The following PTAR1 variants were observed in gnomAD, a reference collection of about 807,000 sequenced individuals.
The protein encoded by PTAR1 is protein prenyltransferase alpha subunit repeat-containing protein 1.
Under a neutral mutation model 45.5 loss-of-function variants are expected in PTAR1, and 17 were observed. That is an observed-to-expected ratio of 0.37 (90% CI 0.26 to 0.56). The LOEUF is 0.56. PTAR1 is among the 20% of genes least tolerant of loss of function. PTAR1 has a pLI of 0.77. For synonymous variants in PTAR1, 169 were observed against 171.3 expected, an observed-to-expected ratio of 0.99 and a Z score of 0.11; for missense variants, 391 against 476.3, an observed-to-expected ratio of 0.82 and a Z score of 1.67.
chr9:69,721,324 GAA>G (rs1274583027), intron 6 of PTAR1, among the ~76,000 whole-genome samples: 4 of 152,168 alleles, frequency 2.6e-5, no homozygotes, highest in Non-Finnish European at 1.5e-5. Context: ...AGTGGGGCGT[GAA>G]GATGTGACTG....
At chr9:69,755,966 G>A (rs895617856) in intron 1 of PTAR1, among the ~76,000 whole-genome samples, 2 of 152,066 alleles carry the variant, frequency 1.3e-5, no homozygotes, top group African/African-American at 2.4e-5. Flanking sequence ...TTTTACAGAG[G>A]AAGAGTCTTG....
chr9:69,725,504 A>G, intron 5 of PTAR1, among the ~76,000 whole-genome samples: 1 of 151,876 alleles, frequency 6.6e-6, no homozygotes, highest in East Asian at 1.9e-4. Flanking sequence ...GCAGGAGAAT[A>G]ACTCGAACCT....
At chr9:69,754,737 T>A (rs1472052357) in intron 1 of PTAR1, among the ~76,000 whole-genome samples, 2 of 147,248 alleles carry the variant, frequency 1.4e-5, no homozygotes, top group Non-Finnish European at 3.0e-5. Context: ...TTTTTTTTGG[T>A]AGAGATGTAG....
At chr9:69,718,609 G>A (rs1240854939) in intron 7 of PTAR1, 41 bp from the exon 8 acceptor site, 1 of 1,613,154 alleles carries the variant, frequency 6.2e-7, no homozygotes, top group South Asian at 1.1e-5. Flanking sequence ...CCCCAGGGCT[G>A]TCTGCAGGTG....
Position 69,711,283 on chromosome 9 carries a change from G to A in PTAR1, c.*7059C>T, listed in dbSNP as rs959480847. The A allele has an allele frequency of 8.5e-5, 13 of 152,134 alleles. No homozygotes were observed. The highest frequency in any genetic ancestry group is 5.9e-4 in the Admixed American group (9 of 15,274). 9.4% of individuals were successfully genotyped at this position (152,134 alleles called of 1,614,324 possible). ...ATCGAAGTCATGCATCAAGAACCTC[G>A]CCAGGAGGCAATGCCTAATTACATT... On this transcript the variant is annotated 3_prime_UTR_variant, in exon 8 of 8. Coordinates refer to ENST00000340434, the MANE Select transcript of PTAR1 (RefSeq NM_001099666.2).
chr9:69,744,385 C>CTT (rs68024709), intron 2 of PTAR1, among the ~76,000 whole-genome samples: 1 of 146,038 alleles, frequency 6.8e-6, no homozygotes, highest in Non-Finnish European at 1.5e-5. Flanking sequence ...TTCATCTCTG[C>CTT]TTTTTTTTTT....
Position 69,734,166 on chromosome 9 carries a change from C to G in PTAR1, c.412G>C (p.Glu138Gln), listed in dbSNP as rs1825674027. ...TAACCACACCTGTGAATCCATGTTT[C>G]TGGACTCTTTGGAAACTTGGTTAAG... ...LALTKFPKSPETWIHRRWVLQ... is the reference protein window; with the variant it reads ...LALTKFPKSPQTWIHRRWVLQ... Residue 138 changes from glutamate (E) to glutamine (Q), a missense_variant, in exon 4 of 8, where the codon GAA (glutamate) becomes CAA (glutamine). Glu to Gln is a conservative substitution (Grantham distance 29). This residue lies in a region of PTAR1 where 152 missense variants were observed against 160.0 expected (regional missense o/e 0.95). Transcript: ENST00000340434. 1 of 1,537,520 alleles carries G rather than the reference C, an allele frequency of 6.5e-7. No homozygotes were observed. Among genetic ancestry groups the G allele is most frequent in the South Asian group, 1.1e-5 (1 of 89,156 alleles).
Position 69,750,824 on chromosome 9 carries a change from C to T in PTAR1, c.213G>A (p.Lys71=), listed in dbSNP as rs1214137296. The change falls in exon 2 of 8, where the codon AAG becomes AAA. Residue 71 remains lysine (K), a synonymous_variant. Transcript: ENST00000340434. ...GCTTTCTTGTTCTGTACAAAAGGAGCTTGTTGTGGACATATGGTAAAAGGA... is the reference window on the plus strand; with the variant it reads ...GCTTTCTTGTTCTGTACAAAAGGAGTTTGTTGTGGACATATGGTAAAAGGA... ...VKFLLPYVHN[K]LLLYRTRKQW... 6.2e-7 allele frequency: 1 copy of T among 1,611,536 alleles called. No individual in the cohort carries two copies. The highest frequency in any genetic ancestry group is 2.2e-5 in the East Asian group (1 of 44,840).
Position 69,750,809 on chromosome 9 carries a change from T to C in PTAR1, c.228A>G (p.Arg76=), listed in dbSNP as rs564179283. The change falls in exon 2 of 8, where the codon AGA becomes AGG. Residue 76 remains arginine (R), a synonymous_variant. Coordinates refer to ENST00000340434, the MANE Select transcript of PTAR1 (RefSeq NM_001099666.2). ...PYVHNKLLLY[R]TRKQWLNRDE... ...CTCTGTTCAGCCATTGCTTTCTTGTTCTGTACAAAAGGAGCTTGTTGTGGA... is the reference window on the plus strand; with the variant it reads ...CTCTGTTCAGCCATTGCTTTCTTGTCCTGTACAAAAGGAGCTTGTTGTGGA... The C allele has an allele frequency of 6.2e-7, 1 of 1,610,240 alleles. No homozygotes were observed. Among genetic ancestry groups the C allele is most frequent in the Admixed American group, 1.7e-5 (1 of 59,232 alleles).
chr9:69,759,825 TCGGAGGCGG>T lies in PTAR1; in HGVS notation c.86+19_86+27del, dbSNP rs766914082. ...CGCCCCCGCCCGCTCCCGACGACCC[TCGGAGGCGG>T]CGGAGGCGCGCGACTCACATGTGTG... On this transcript the variant is annotated intron_variant, in intron 1 of 7. Transcript: ENST00000340434. The T allele has an allele frequency of 6.6e-7, 1 of 1,509,514 alleles. No individual in the cohort carries two copies. The highest frequency in any genetic ancestry group is 1.2e-5 in the South Asian group (1 of 81,088). The allele number at this position is 1,509,514 out of a possible 1,614,324, so 93.5% of individuals were successfully genotyped here.
At chr9:69,739,479 G>C (rs1189403863) in intron 3 of PTAR1, among the ~76,000 whole-genome samples, 1 of 150,226 alleles carries the variant, frequency 6.7e-6, no homozygotes, top group Non-Finnish European at 1.5e-5. Flanking sequence ...AATTACAGGA[G>C]ATCAGTTCAA....
chr9:69,732,399 C>A (rs1217563489), intron 4 of PTAR1, 47 bp from the exon 5 acceptor site: 2 of 1,360,008 alleles, frequency 1.5e-6, no homozygotes, highest in Admixed American at 1.8e-5. Context: ...GAACATAAAC[C>A]AGAGAGAAAA....
intron 4 of PTAR1, among the ~76,000 whole-genome samples, chr9:69,733,599 A>G (rs905561476): frequency 6.6e-6 from 1 of 152,148 alleles, no homozygotes; most frequent in Non-Finnish European, 1.5e-5. Flanking sequence ...TAACCTAAAA[A>G]TGTTCTTTGT....
intron 1 of PTAR1, among the ~76,000 whole-genome samples, chr9:69,752,896 T>G (rs1826595506): frequency 6.6e-6 from 1 of 152,110 alleles, no homozygotes; most frequent in South Asian, 2.1e-4. Context: ...TATACTTGAC[T>G]AATATATGAC....
chr9:69,724,456 C>T (rs1483019117), intron 5 of PTAR1, among the ~76,000 whole-genome samples: 2 of 152,124 alleles, frequency 1.3e-5, no homozygotes, highest in Non-Finnish European at 2.9e-5. Context: ...TACCACGTTC[C>T]GTCAGAGGAT....
At chr9:69,739,971 A>G (rs1335556007) in intron 3 of PTAR1, among the ~76,000 whole-genome samples, 1 of 152,196 alleles carries the variant, frequency 6.6e-6, no homozygotes, top group Admixed American at 6.5e-5. Context: ...ATATTTTTTT[A>G]AAAGTTTAAT....
chr9:69,751,060 AAAT>A (rs1330484164), intron 1 of PTAR1, 110 bp from the exon 2 acceptor site: 3 of 783,032 alleles, frequency 3.8e-6, no homozygotes, highest in East Asian at 2.7e-5. Context: ...CCTTCCTTAC[AAAT>A]ATTATTTAGC....
intron 6 of PTAR1, among the ~76,000 whole-genome samples, chr9:69,719,605 G>C (rs1203491045): frequency 6.6e-6 from 1 of 152,124 alleles, no homozygotes; most frequent in East Asian, 1.9e-4. Context: ...CAATGAGTCA[G>C]CAGTAGAAAA....
Position 69,711,459 on chromosome 9 carries a change from A to G in PTAR1, c.*6883T>C, listed in dbSNP as rs955345672. 6.6e-6 allele frequency: 1 copy of G among 152,214 alleles called. No homozygotes were observed. The highest frequency in any genetic ancestry group is 1.5e-5 in the Non-Finnish European group (1 of 68,042). 9.4% of individuals were successfully genotyped at this position (152,214 alleles called of 1,614,324 possible). On this transcript the variant is annotated 3_prime_UTR_variant, in exon 8 of 8. Transcript: ENST00000340434. The stretch of plus-strand genomic sequence containing the variant: ...TGCTGAGACTACTGTATCATTCACA[A>G]AAAGTTCTTCCTCATGCCAAAGATG...
Sources: allele counts gnomAD v4.1 joint callset (sites outside exome capture counted in the v4.1 genomes callset), GRCh38; gene constraint gnomAD v4.1.1; regional missense constraint gnomAD v4.1.1; transcripts MANE v1.5; gene names NCBI Gene and HGNC (gene_info 2026-07-23, HGNC 2026-07-21).